The following GALNT11 variants were observed in gnomAD, a reference collection of about 807,000 sequenced individuals.
GALNT11 encodes the protein polypeptide N-acetylgalactosaminyltransferase 11.
A neutral mutation model predicts 72.7 loss-of-function variants in GALNT11; 47 were observed. The observed-to-expected ratio is 0.65, with a 90% CI of 0.51 to 0.82. The LOEUF (loss-of-function observed/expected upper bound fraction) is 0.82, where lower values mean the gene tolerates loss of function less well. Among genes scored for constraint, GALNT11 ranks in the 40% least tolerant of loss-of-function variants. The pLI is 0.00. For missense variants in GALNT11, 677 were observed against 778.4 expected (o/e 0.87, Z 1.55); for synonymous variants, 270 against 286.6 (o/e 0.94, Z 0.58).
At chr7:152,054,503 C>CTTTTTTTT (rs1037895401) in intron 1 of GALNT11, among the ~76,000 whole-genome samples, 2 of 72,086 alleles carry the variant, frequency 2.8e-5, no homozygotes, top group Non-Finnish European at 5.8e-5. Context: ...TTTTTCTTGT[C>CTTTTTTTT]TTTTTTTTTT....
chr7:152,035,444 G>C (rs2151992961), intron 1 of GALNT11, among the ~76,000 whole-genome samples: 1 of 152,338 alleles, frequency 6.6e-6, no homozygotes, highest in East Asian at 1.9e-4. Flanking sequence ...AGGTAGGATA[G>C]ATGGGCGAGT....
chr7:152,073,109 T>C (rs897532014), intron 1 of GALNT11, among the ~76,000 whole-genome samples: 5 of 152,228 alleles, frequency 3.3e-5, no homozygotes, highest in Non-Finnish European at 7.3e-5. Flanking sequence ...TCAGAGTAAT[T>C]AGCATATCCA....
chr7:152,026,741 C>T (rs1331657784), intron 1 of GALNT11, among the ~76,000 whole-genome samples: 1 of 152,244 alleles, frequency 6.6e-6, no homozygotes, highest in Non-Finnish European at 1.5e-5. Flanking sequence ...GTTTGTCTCT[C>T]ATCTTACCCA....
chr7:152,083,786 C>T (rs927143850), intron 1 of GALNT11, among the ~76,000 whole-genome samples: 5 of 152,252 alleles, frequency 3.3e-5, no homozygotes, highest in African/African-American at 1.2e-4. Context: ...GGAGAAATGA[C>T]GTATTTATTA....
rs537866768 is a variant in GALNT11 at position 152,118,796 on chromosome 7, C to T, written c.1557+14C>T. The stretch of plus-strand genomic sequence containing the variant: ...GACCCAAATCAGGTGAGTGACACCT[C>T]GGGGCTCACAGCCAGTGTCCGCAAG... On this transcript the variant is annotated intron_variant, in intron 10 of 11. Transcript: ENST00000430044. 24 of 1,592,410 alleles carry T rather than the reference C, an allele frequency of 1.5e-5. No homozygotes were observed. Among genetic ancestry groups the T allele is most frequent in the Admixed American group, 7.4e-5 (4 of 53,878 alleles).
intron 3 of GALNT11, 25 bp downstream of exon 3, chr7:152,100,946 A>G (rs1424138004): frequency 6.2e-7 from 1 of 1,611,516 alleles, no homozygotes; most frequent in Non-Finnish European, 8.5e-7. Context: ...GGATTTGCAA[A>G]TACATTTTAA....
intron 1 of GALNT11, among the ~76,000 whole-genome samples, chr7:152,080,290 T>C (rs965811028): frequency 1.3e-5 from 2 of 152,226 alleles, no homozygotes; most frequent in African/African-American, 4.8e-5. Flanking sequence ...TAAAATAATA[T>C]GGTATCCTAT....
chr7:152,117,643 C>T (rs868469621), intron 9 of GALNT11: 1 of 450,344 alleles, frequency 2.2e-6, no homozygotes, highest in East Asian at 4.0e-5. Flanking sequence ...TATGGGAATA[C>T]ACCCCGGACA....
chr7:152,093,971 C>G, intron 1 of GALNT11: 1 of 382,174 alleles, frequency 2.6e-6, no homozygotes, highest in Non-Finnish European at 4.6e-6. Context: ...AGCTATTTCA[C>G]TGCCGTTGGT....
At chr7:152,054,037 A>C (rs564036649) in intron 1 of GALNT11, among the ~76,000 whole-genome samples, 2 of 152,212 alleles carry the variant, frequency 1.3e-5, no homozygotes, top group South Asian at 2.1e-4. Flanking sequence ...TTCTCTAGTG[A>C]ATAGTCTTTT....
chr7:152,099,325 AT>A (rs1378699577), intron 2 of GALNT11, among the ~76,000 whole-genome samples: 1 of 151,222 alleles, frequency 6.6e-6, no homozygotes, highest in Non-Finnish European at 1.5e-5. Context: ...GAGTTCTACT[AT>A]TTTTTAAAAA....
chr7:152,042,606 C>T (rs2082919903), intron 1 of GALNT11, among the ~76,000 whole-genome samples: 1 of 152,172 alleles, frequency 6.6e-6, no homozygotes, highest in African/African-American at 2.4e-5. Flanking sequence ...TGTCTTTCCA[C>T]TTGAAGCGGT....
intron 1 of GALNT11, among the ~76,000 whole-genome samples, chr7:152,068,265 A>G (rs1360238198): frequency 6.6e-6 from 1 of 152,250 alleles, no homozygotes; most frequent in African/African-American, 2.4e-5. Flanking sequence ...TACAATGGAA[A>G]GCATTCAATA....
intron 1 of GALNT11, among the ~76,000 whole-genome samples, chr7:152,028,528 C>T (rs2082150061): frequency 1.3e-5 from 2 of 151,880 alleles, no homozygotes; most frequent in African/African-American, 2.4e-5. Flanking sequence ...AAGTCCCCTA[C>T]CCGATTAGCT....
intron 1 of GALNT11, among the ~76,000 whole-genome samples, chr7:152,069,956 G>T (rs2084529272): frequency 6.6e-6 from 1 of 151,172 alleles, no homozygotes; most frequent in South Asian, 2.1e-4. Context: ...TAACTGTTTT[G>T]CACTCATTGC....
chr7:152,107,790 C>G (rs1012339844), intron 5 of GALNT11: 1 of 343,202 alleles, frequency 2.9e-6, no homozygotes, highest in East Asian at 4.6e-5. Flanking sequence ...TCAGTTTTTT[C>G]AAGAGTCGCG....
intron 1 of GALNT11, among the ~76,000 whole-genome samples, chr7:152,076,308 C>T (rs2084974609): frequency 6.6e-6 from 1 of 151,982 alleles, no homozygotes; most frequent in Non-Finnish European, 1.5e-5. Context: ...CTGTTGAAAC[C>T]TGAATTGATT....
chr7:152,066,043 A>C (rs1277667845), intron 1 of GALNT11, among the ~76,000 whole-genome samples: 1 of 152,192 alleles, frequency 6.6e-6, no homozygotes, highest in Non-Finnish European at 1.5e-5. Context: ...CCAGAGGTGG[A>C]GTCTACAGAG....
intron 1 of GALNT11, among the ~76,000 whole-genome samples, chr7:152,048,518 ACTTTT>A (rs1195718835): frequency 1.3e-5 from 2 of 150,812 alleles, no homozygotes; most frequent in Non-Finnish European, 3.0e-5. Flanking sequence ...AAGGTCAACA[ACTTTT>A]CTTTTTCTTT....
Sources: allele counts gnomAD v4.1 joint callset (sites outside exome capture counted in the v4.1 genomes callset), GRCh38; gene constraint gnomAD v4.1.1; transcripts MANE v1.5; gene names NCBI Gene and HGNC (gene_info 2026-07-23, HGNC 2026-07-21).